Variants in SPOCK1 observed in about 807,000 individuals in gnomAD.
SPOCK1 encodes the protein testican-1.
A neutral mutation model predicts 55.3 loss-of-function variants in SPOCK1; 23 were observed. The observed-to-expected ratio is 0.42, with a 90% CI of 0.30 to 0.59. The LOEUF (loss-of-function observed/expected upper bound fraction) is 0.59. Among genes scored for constraint, SPOCK1 ranks in the 20% least tolerant of loss-of-function variants. SPOCK1 has a pLI of 0.22. For missense variants in SPOCK1, 499 were observed against 552.5 expected, an observed-to-expected ratio of 0.90 and a Z score of 0.97; for synonymous variants, 226 against 221.0, an observed-to-expected ratio of 1.02 and a Z score of -0.20.
chr5:137,238,968 G>A (rs1207906756), intron 3 of SPOCK1, among the ~76,000 whole-genome samples: 1 of 152,196 alleles, frequency 6.6e-6, no homozygotes, highest in East Asian at 1.9e-4. Flanking sequence ...TGATACATGG[G>A]AGAGAAGCAT....
intron 2 of SPOCK1, among the ~76,000 whole-genome samples, chr5:137,424,524 T>C (rs988501133): frequency 6.6e-6 from 1 of 152,220 alleles, no homozygotes; most frequent in Non-Finnish European, 1.5e-5. Context: ...TTCATTGCCA[T>C]GAATGCTCAC....
At chr5:137,302,292 G>A (rs866182572) in intron 2 of SPOCK1, among the ~76,000 whole-genome samples, 3 of 152,210 alleles carry the variant, frequency 2.0e-5, no homozygotes, top group East Asian at 3.9e-4. Context: ...TTTATAGGCT[G>A]GGCGCGGTGG....
At chr5:137,253,197 A>T (rs78877109) in intron 3 of SPOCK1, among the ~76,000 whole-genome samples, 1 of 152,234 alleles carries the variant, frequency 6.6e-6, no homozygotes, top group Non-Finnish European at 1.5e-5. Context: ...TACCAAAGAC[A>T]ATAGAATTCA....
intron 2 of SPOCK1, among the ~76,000 whole-genome samples, chr5:137,484,334 G>A (rs944529747): frequency 6.6e-6 from 1 of 152,240 alleles, no homozygotes; most frequent in Non-Finnish European, 1.5e-5. Context: ...GCACTAGCAT[G>A]AGGAAGGGCA....
At chr5:137,455,214 T>C (rs576356202) in intron 2 of SPOCK1, among the ~76,000 whole-genome samples, 1 of 152,222 alleles carries the variant, frequency 6.6e-6, no homozygotes, top group Non-Finnish European at 1.5e-5. Context: ...TTCATGAGCA[T>C]GTTTCCTTGA....
chr5:137,127,791 C>T (rs1580764961), intron 4 of SPOCK1, among the ~76,000 whole-genome samples: 2 of 152,232 alleles, frequency 1.3e-5, no homozygotes, highest in African/African-American at 4.8e-5. Flanking sequence ...GAGCAATTTG[C>T]CTCAGGATGA....
intron 6 of SPOCK1, among the ~76,000 whole-genome samples, chr5:137,002,982 G>A (rs769736087): frequency 3.3e-5 from 5 of 152,214 alleles, no homozygotes; most frequent in African/African-American, 7.2e-5. Flanking sequence ...AGGCTCATAC[G>A]CAGGGAGGAC....
rs1754245587 is a variant in SPOCK1, at chr5:137,493,987, G to C, written c.186+4386C>G. On this transcript the variant is annotated intron_variant, in intron 2 of 10. Transcript: ENST00000394945. ...GCATGTGCCAGAAGGAAAAAGAACA[G>C]AAGTTGGTCCTTGTGCTCTTATTAG... Among the ~76,000 whole-genome samples, 3 of 152,158 alleles carry C rather than the reference G, an allele frequency of 2.0e-5. No individual in the cohort carries two copies. In the South Asian group the frequency reaches 6.2e-4, roughly 32 times the overall value.
intron 9 of SPOCK1, among the ~76,000 whole-genome samples, chr5:136,983,332 AC>A (rs1205502728): frequency 6.6e-6 from 1 of 152,170 alleles, no homozygotes; most frequent in Non-Finnish European, 1.5e-5. Flanking sequence ...CATGCTACTC[AC>A]CAGGCTATAC....
chr5:137,196,311 C>T (rs1187709548), intron 3 of SPOCK1, among the ~76,000 whole-genome samples: 1 of 152,186 alleles, frequency 6.6e-6, no homozygotes, highest in African/African-American at 2.4e-5. Context: ...GAGCACTTTT[C>T]ATAACATAAA....
chr5:137,311,401 C>T (rs1269882635), intron 2 of SPOCK1, among the ~76,000 whole-genome samples: 2 of 152,192 alleles, frequency 1.3e-5, no homozygotes, highest in Non-Finnish European at 2.9e-5. Context: ...TTAAAACCAC[C>T]TGGGGAGTAT....
intron 6 of SPOCK1, among the ~76,000 whole-genome samples, chr5:137,026,210 A>C (rs1390314832): frequency 7.2e-5 from 11 of 152,234 alleles, no homozygotes. Context: ...ACTCATCACC[A>C]CCAAGGGTAG....
chr5:137,021,158 A>G (rs1441181292), intron 6 of SPOCK1, among the ~76,000 whole-genome samples: 1 of 152,184 alleles, frequency 6.6e-6, no homozygotes, highest in African/African-American at 2.4e-5. Context: ...ATGCCCATCA[A>G]AAGTATATGT....
At chr5:137,015,146 T>C (rs1751426811) in intron 6 of SPOCK1, among the ~76,000 whole-genome samples, 1 of 152,120 alleles carries the variant, frequency 6.6e-6, no homozygotes, top group Non-Finnish European at 1.5e-5. Flanking sequence ...GTCTGCTTTT[T>C]AAAGAACAGA....
At chr5:137,380,719 C>T (rs1751444506) in intron 2 of SPOCK1, among the ~76,000 whole-genome samples, 1 of 152,086 alleles carries the variant, frequency 6.6e-6, no homozygotes, top group Admixed American at 6.5e-5. Context: ...GGAAACCCGC[C>T]CCTACAATCT....
chr5:137,251,008 G>A (rs912715949), intron 3 of SPOCK1, among the ~76,000 whole-genome samples: 2 of 152,132 alleles, frequency 1.3e-5, no homozygotes, highest in Non-Finnish European at 2.9e-5. Flanking sequence ...CACCTTACCA[G>A]CATTTTCTTA....
chr5:137,171,240 C>T (rs1754749843), intron 3 of SPOCK1, among the ~76,000 whole-genome samples: 1 of 152,132 alleles, frequency 6.6e-6, no homozygotes, highest in South Asian at 2.1e-4. Flanking sequence ...TCTTGACAGC[C>T]TCCTATGACC....
At chr5:137,074,898 T>C (rs1173980322) in intron 5 of SPOCK1, among the ~76,000 whole-genome samples, 1 of 152,086 alleles carries the variant, frequency 6.6e-6, no homozygotes, top group Non-Finnish European at 1.5e-5. Context: ...AGAGACGGGG[T>C]TTCACCGTGT....
chr5:137,161,099 T>C (rs1475276902), intron 3 of SPOCK1, among the ~76,000 whole-genome samples: 2 of 147,120 alleles, frequency 1.4e-5, no homozygotes, highest in East Asian at 3.9e-4. Flanking sequence ...TTATATAATA[T>C]ATATATCTAA....
Sources: gnomAD v4.1 joint callset for allele counts (sites outside exome capture counted in the v4.1 genomes callset) on GRCh38, gnomAD v4.1.1 for gene constraint, MANE v1.5 for transcripts, NCBI Gene and HGNC (gene_info 2026-07-23, HGNC 2026-07-21) for gene names.